The following MCM10 variants were observed in gnomAD, a reference collection of about 807,000 sequenced individuals.
MCM10 encodes minichromosome maintenance 10 replication initiation factor.
In MCM10, 91 loss-of-function variants were observed where a neutral mutation model predicts 109.9. The observed-to-expected ratio is 0.83, with a 90% CI of 0.70 to 0.99. The LOEUF is 0.99. Among genes scored for constraint, MCM10 ranks in the 50% least tolerant of loss-of-function variants. The probability of loss-of-function intolerance (pLI) is 0.00; values close to 1 mark genes in which losing one functional copy is unlikely to be tolerated. For synonymous variants in MCM10, 380 were observed against 387.2 expected, an observed-to-expected ratio of 0.98 and a Z score of 0.22; for missense variants, 1,077 against 1,061.2, an observed-to-expected ratio of 1.01 and a Z score of -0.21.
At chr10:13,173,959 C>T (rs1469442920) in intron 5 of MCM10, among the ~76,000 whole-genome samples, 2 of 152,012 alleles carry the variant, frequency 1.3e-5, no homozygotes, top group Non-Finnish European at 2.9e-5. Flanking sequence ...ACCCAAGCAT[C>T]TGACTTTCAG....
chr10:13,206,020 T>C (rs1343189980), intron 18 of MCM10, among the ~76,000 whole-genome samples: 1 of 152,192 alleles, frequency 6.6e-6, no homozygotes, highest in Non-Finnish European at 1.5e-5. Context: ...TTCATTCACG[T>C]GCTCTTCTTA....
chr10:13,169,032 C>T (rs1023063568), intron 2 of MCM10, among the ~76,000 whole-genome samples: 2 of 152,198 alleles, frequency 1.3e-5, no homozygotes, highest in Non-Finnish European at 2.9e-5. Context: ...GGGGGCCAGG[C>T]GTGTTCAACA....
chr10:13,180,615 A>G lies in MCM10; in HGVS notation c.930+8A>G. 1 of 1,612,688 alleles carries G rather than the reference A, an allele frequency of 6.2e-7. No individual in the cohort carries two copies. The highest frequency in any genetic ancestry group is 8.5e-7 in the Non-Finnish European group (1 of 1,179,602). On this transcript the variant is annotated splice_region_variant and intron_variant, in intron 7 of 19. Coordinates refer to ENST00000378714, the MANE Select transcript of MCM10 (RefSeq NM_018518.5). ...CCACAGAGTGTGAATAGTGTAAGCC[A>G]TTGTATTGGTTTCTTAGCTGTTTTA...
At chr10:13,177,047 G>T (rs1834150640) in intron 6 of MCM10, among the ~76,000 whole-genome samples, 1 of 152,128 alleles carries the variant, frequency 6.6e-6, no homozygotes, top group Non-Finnish European at 1.5e-5. Flanking sequence ...CCTTCTCAAG[G>T]TAGAGAATTG....
rs371814734 is a variant in MCM10, at chr10:13,175,584, A to G, written c.667A>G (p.Ser223Gly). The G allele has an allele frequency of 6.2e-7, 1 of 1,613,602 alleles. No homozygotes were observed. The highest frequency in any genetic ancestry group is 2.2e-5 in the East Asian group (1 of 44,852). ...PLQTISRNKP[S>G]GITRGQIVGT... ...ACAGACGATTTCTCGGAACAAACCT[A>G]GTGGGATAACTAGAGGTCAAATTGT... Residue 223 changes from serine to glycine, a missense_variant, in exon 6 of 20, where the codon AGT becomes GGT. By Grantham distance (56) the Ser-to-Gly change is moderately conservative. Transcript: ENST00000378714.
chr10:13,208,583 G>GGAAAA (rs1834616273), intron 18 of MCM10, among the ~76,000 whole-genome samples: 3 of 108,060 alleles, frequency 2.8e-5, no homozygotes, highest in Non-Finnish European at 6.5e-5. Context: ...AAAAAAAAAA[G>GGAAAA]GAAAAGAAAA....
Position 13,186,218 on chromosome 10 carries a change from G to C in MCM10, c.1153G>C (p.Asp385His), listed in dbSNP as rs1834273128. ...GGTCTTAATTATGGGTGAAGCTCTT[G>C]ACCTGGGAACCTGTAAAGCCAAGAA... is the stretch of plus-strand genomic sequence containing the variant. ...QKVLIMGEALDLGTCKAKKKN... is the reference protein window; with the variant it reads ...QKVLIMGEALHLGTCKAKKKN... Residue 385 changes from aspartate (D) to histidine (H), a missense_variant, in exon 9 of 20, where the codon GAC (aspartate) becomes CAC (histidine). Asp to His is a moderately conservative substitution (Grantham distance 81). Coordinates refer to ENST00000378714, the MANE Select transcript of MCM10 (RefSeq NM_018518.5). 1 of 1,613,246 alleles carries C rather than the reference G, an allele frequency of 6.2e-7. No homozygotes were observed. The highest frequency in any genetic ancestry group is 1.1e-5 in the South Asian group (1 of 91,004).
At chr10:13,186,075 A>G (rs1834270868) in intron 8 of MCM10, 89 bp from the exon 9 acceptor site, 1 of 755,610 alleles carries the variant, frequency 1.3e-6, no homozygotes, top group Non-Finnish European at 2.3e-6. Context: ...ACCTTCTTAA[A>G]TCAGCACCAA....
chr10:13,201,443 G>C lies in MCM10; in HGVS notation c.2261G>C (p.Arg754Pro), dbSNP rs746837274. The C allele has an allele frequency of 6.2e-7, 1 of 1,612,710 alleles. No individual in the cohort carries two copies. Among genetic ancestry groups the C allele is most frequent in the Non-Finnish European group, 8.5e-7 (1 of 1,179,326 alleles). Residue 754 changes from arginine to proline, a missense_variant, in exon 17 of 20, where the codon CGC (arginine) becomes CCC (proline). Physicochemically the swap from Arg to Pro is moderately radical, Grantham distance 103. Transcript: ENST00000378714. ...CAGGCCGAGGCTGAGATGCAGGAGC[G>C]CTACTTTGAGCCACTGGTGAAAAAA... ...LKEAEAEMQE[R>P]YFEPLVKKEQ... is the part of the protein sequence containing the mutation.
chr10:13,181,354 G>A (rs1178198020), intron 7 of MCM10, among the ~76,000 whole-genome samples: 1 of 152,170 alleles, frequency 6.6e-6, no homozygotes, highest in African/African-American at 2.4e-5. Flanking sequence ...TTTTTCGTTA[G>A]AGCTGACATG....
chr10:13,187,069 C>G (rs759635731), intron 9 of MCM10, among the ~76,000 whole-genome samples: 6 of 152,218 alleles, frequency 3.9e-5, no homozygotes, highest in Non-Finnish European at 8.8e-5. Flanking sequence ...ACCATCACCA[C>G]TGTGTAATTT....
chr10:13,172,817 T>A lies in MCM10; in HGVS notation c.592+52T>A, dbSNP rs757829321. 2 of 1,577,316 alleles carry A rather than the reference T, an allele frequency of 1.3e-6. No homozygotes were observed. The highest frequency in any genetic ancestry group is 1.7e-6 in the Non-Finnish European group (2 of 1,151,172). On this transcript the variant is annotated intron_variant, in intron 5 of 19. Coordinates refer to ENST00000378714, the MANE Select transcript of MCM10 (RefSeq NM_018518.5). This position sits in a 1 kb window ranked among gnomAD's most constrained non-coding sequence, Gnocchi z 5.2. ...TGGCACTATTGTATGTGTTTATGTG[T>A]GTGGGGGTGTTCATGTGTGTGTGGG...
chr10:13,201,027 C>A (rs1834491398), intron 16 of MCM10, among the ~76,000 whole-genome samples: 1 of 152,250 alleles, frequency 6.6e-6, no homozygotes, highest in Non-Finnish European at 1.5e-5. Flanking sequence ...CACCTGTAGT[C>A]CCTACTACTC....
In MCM10 at chr10:13,184,022, A is replaced by AT. The variant is rs573385969; in HGVS notation, c.1098+930dup. Among the ~76,000 whole-genome samples the AT allele has an allele frequency of 1.9e-3, 285 of 151,694 alleles. 1 individual carries two copies. Among genetic ancestry groups the AT allele is most frequent in the Middle Eastern group, 6.8e-3 (2 of 294 alleles). On this transcript the variant is annotated intron_variant, in intron 8 of 19. Coordinates refer to ENST00000378714, the MANE Select transcript of MCM10 (RefSeq NM_018518.5). ...AGGCATGTGCCACCATGCCTAGCTA[A>AT]TTTTTTTTGCATTTTTATTAGAGAC...
chr10:13,169,192 A>G (rs117785723), intron 2 of MCM10, among the ~76,000 whole-genome samples: 1,594 of 152,308 alleles, frequency 0.01, 16 homozygotes, highest in South Asian at 0.046. Context: ...AGTCCAGCCA[A>G]TCTTTTATGT....
intron 16 of MCM10, among the ~76,000 whole-genome samples, chr10:13,201,110 C>T (rs1834492523): frequency 6.6e-6 from 1 of 152,108 alleles, no homozygotes; most frequent in South Asian, 2.1e-4. Context: ...TGCACCACTG[C>T]ACTCTAGCCT....
In MCM10 at chr10:13,171,002, A is replaced by C; in HGVS notation, c.88A>C (p.Asn30His). 1 of 1,614,246 alleles carries C rather than the reference A, an allele frequency of 6.2e-7. No individual in the cohort carries two copies. The highest frequency in any genetic ancestry group is 8.5e-7 in the Non-Finnish European group (1 of 1,180,052). ...CTTGGATTGTAATTCAGAAGAAAAT[A>C]ACTTCTTGACGCGGGAAAATGGCGA... ...SALDCNSEEN[N>H]FLTRENGEPD... Residue 30 changes from asparagine to histidine, a missense_variant, in exon 3 of 20, where the codon AAC becomes CAC. Asn to His is a moderately conservative substitution (Grantham distance 68, BLOSUM62 1). Coordinates refer to ENST00000378714, the MANE Select transcript of MCM10 (RefSeq NM_018518.5).
Position 13,197,704 on chromosome 10 carries a change from G to A in MCM10, c.2056G>A (p.Asp686Asn). 6.2e-7 allele frequency: 1 copy of A among 1,613,894 alleles called. No homozygotes were observed. The highest frequency in any genetic ancestry group is 1.7e-4 in the Middle Eastern group (1 of 6,060). Residue 686 changes from aspartate to asparagine, a missense_variant, in exon 15 of 20, where the codon GAC becomes AAC. Coordinates refer to ENST00000378714, the MANE Select transcript of MCM10 (RefSeq NM_018518.5). ...NPNSIKKKQK[D>N]PQDILEVKER... Reference sequence around the variant, plus strand: ...AAACAGCATTAAGAAGAAACAAAAGGACCCTCAGGACATCCTGGAGGTGAA... The same window carrying A: ...AAACAGCATTAAGAAGAAACAAAAGAACCCTCAGGACATCCTGGAGGTGAA...
intron 15 of MCM10, 54 bp from the exon 16 acceptor site, chr10:13,198,635 A>G (rs1834454497): frequency 1.7e-6 from 2 of 1,191,952 alleles, no homozygotes; most frequent in Admixed American, 1.7e-5. Context: ...GATGAGGCGC[A>G]CTGGCTTTCT....
Sources: gnomAD v4.1 joint callset for allele counts (sites outside exome capture counted in the v4.1 genomes callset) on GRCh38, gnomAD v4.1.1 for gene constraint, Gnocchi (gnomAD v3.1) non-coding constraint, MANE v1.5 for transcripts, NCBI Gene and HGNC (gene_info 2026-07-23, HGNC 2026-07-21) for gene names.